Variants in AMPH observed in about 807,000 individuals in gnomAD.
AMPH encodes the protein amphiphysin.
In AMPH, 49 loss-of-function variants were observed where a neutral mutation model predicts 99.1. The ratio of observed to expected loss-of-function variants is 0.49; its 90% confidence interval spans 0.39 to 0.63. The LOEUF (loss-of-function observed/expected upper bound fraction) is 0.63. Ranked by LOEUF, AMPH falls within the 20% of genes least tolerant of loss-of-function variation. AMPH has a pLI of 0.00. For synonymous variants in AMPH, 314 were observed against 317.3 expected (o/e 0.99, Z 0.11); for missense variants, 759 against 863.4 (o/e 0.88, Z 1.52).
At chr7:38,478,215 C>T (rs1788158018) in intron 5 of AMPH, among the ~76,000 whole-genome samples, 1 of 152,096 alleles carries the variant, frequency 6.6e-6, no homozygotes, top group Non-Finnish European at 1.5e-5. Flanking sequence ...GGGGTCTCTA[C>T]AGGCATACAA....
intron 10 of AMPH, among the ~76,000 whole-genome samples, chr7:38,461,700 A>G (rs1787453386): frequency 6.6e-6 from 1 of 152,212 alleles, no homozygotes; most frequent in South Asian, 2.1e-4. Flanking sequence ...CATATACTTT[A>G]AAGGTTAAAC....
intron 1 of AMPH, among the ~76,000 whole-genome samples, chr7:38,618,161 C>T (rs1000313026): frequency 2.0e-5 from 3 of 152,040 alleles, no homozygotes; most frequent in Admixed American, 6.5e-5. Flanking sequence ...TAGGTTAATG[C>T]AAAAGACAGT....
At chr7:38,492,591 T>A (rs1215988946) in intron 4 of AMPH, among the ~76,000 whole-genome samples, 1 of 152,204 alleles carries the variant, frequency 6.6e-6, no homozygotes, top group African/African-American at 2.4e-5. Flanking sequence ...AACATTTAAA[T>A]CCACTGTTTA....
intron 1 of AMPH, among the ~76,000 whole-genome samples, chr7:38,629,481 C>A (rs1562871283): frequency 6.6e-6 from 1 of 152,170 alleles, no homozygotes; most frequent in Non-Finnish European, 1.5e-5. Context: ...GTACACTTGA[C>A]CTTGATCGTG....
At chr7:38,461,627 T>C (rs1378367416) in intron 10 of AMPH, among the ~76,000 whole-genome samples, 2 of 152,102 alleles carry the variant, frequency 1.3e-5, no homozygotes, top group Non-Finnish European at 2.9e-5. Flanking sequence ...AAAACAAAAC[T>C]GAGGCTATAA....
intron 1 of AMPH, among the ~76,000 whole-genome samples, chr7:38,584,136 ATT>A (rs981427430): frequency 1.3e-5 from 2 of 152,096 alleles, no homozygotes; most frequent in African/African-American, 2.4e-5. Context: ...GTTTCAATTC[ATT>A]TTAGTCATTG....
intron 6 of AMPH, among the ~76,000 whole-genome samples, chr7:38,476,592 G>A (rs1788092551): frequency 6.6e-6 from 1 of 152,166 alleles, no homozygotes; most frequent in Non-Finnish European, 1.5e-5. Context: ...ATCTAAGGAA[G>A]TGCAGACACA....
intron 1 of AMPH, among the ~76,000 whole-genome samples, chr7:38,538,145 A>G (rs922555846): frequency 6.6e-6 from 1 of 152,246 alleles, no homozygotes; most frequent in East Asian, 1.9e-4. Flanking sequence ...CAGAAGTTAC[A>G]TGAGCTTCAC....
chr7:38,431,476 T>C (rs1388535079), intron 13 of AMPH, among the ~76,000 whole-genome samples: 1 of 151,952 alleles, frequency 6.6e-6, no homozygotes, highest in Non-Finnish European at 1.5e-5. Flanking sequence ...GCTAACACGG[T>C]GAAACCCCAT....
chr7:38,434,566 C>G (rs1433764514), intron 12 of AMPH, among the ~76,000 whole-genome samples: 1 of 152,032 alleles, frequency 6.6e-6, no homozygotes, highest in Non-Finnish European at 1.5e-5. Context: ...GGTGAAACCC[C>G]ACCTCTACTA....
chr7:38,475,436 T>C lies in AMPH; in HGVS notation c.505-20A>G. On this transcript the variant is annotated intron_variant, in intron 6 of 20. Transcript: ENST00000356264. ...TTCTGCCTAGGAATGAAACATAACATGTGTTTACACTAAGAAAGACCATTT... is the reference window on the plus strand; with the variant it reads ...TTCTGCCTAGGAATGAAACATAACACGTGTTTACACTAAGAAAGACCATTT... 6.4e-7 allele frequency: 1 copy of C among 1,561,994 alleles called. No individual in the cohort carries two copies. Among genetic ancestry groups the C allele is most frequent in the Non-Finnish European group, 8.8e-7 (1 of 1,134,506 alleles).
rs562028929 is a variant in AMPH at position 38,404,246 on chromosome 7, C to T, written c.1399-10032G>A. Among the ~76,000 whole-genome samples the T allele has an allele frequency of 5.3e-5, 8 of 152,122 alleles. 1 individual carries two copies. In the East Asian group the frequency reaches 1.5e-3, roughly 29 times the overall value. On this transcript the variant is annotated intron_variant, in intron 17 of 20. Coordinates refer to ENST00000356264, the MANE Select transcript of AMPH (RefSeq NM_001635.4). ...TATCCCCAAGAGCTCAGCACATCCT[C>T]CTCCTGTCACCCTTGTCAGGGCAGG...
intron 3 of AMPH, among the ~76,000 whole-genome samples, chr7:38,498,645 G>T (rs541704276): frequency 5.0e-4 from 76 of 152,124 alleles, no homozygotes; most frequent in Admixed American, 7.8e-4. Flanking sequence ...TTGAACTATT[G>T]GACTAAACTT....
chr7:38,515,725 G>A (rs10951560), intron 2 of AMPH, among the ~76,000 whole-genome samples: 74,648 of 152,074 alleles, frequency 0.49, 19,179 homozygotes, highest in African/African-American at 0.65. Context: ...GGAGGGCTCA[G>A]AAGAAGACAG....
At chr7:38,513,623 C>T (rs754126802) in intron 2 of AMPH, among the ~76,000 whole-genome samples, 3 of 152,202 alleles carry the variant, frequency 2.0e-5, no homozygotes, top group Non-Finnish European at 4.4e-5. Context: ...CACTAGACCA[C>T]AAGCTTGACC....
intron 15 of AMPH, among the ~76,000 whole-genome samples, chr7:38,424,034 A>T: frequency 6.6e-6 from 1 of 151,948 alleles, no homozygotes; most frequent in East Asian, 1.9e-4. Context: ...TTCCCCAATC[A>T]CCTCCATTAC....
chr7:38,616,137 A>C (rs150934329), intron 1 of AMPH, among the ~76,000 whole-genome samples: 502 of 152,272 alleles, frequency 3.3e-3, no homozygotes, highest in Admixed American at 4.9e-3. Flanking sequence ...CCATGTGTAC[A>C]TCTCCTCTGC....
intron 17 of AMPH, among the ~76,000 whole-genome samples, chr7:38,408,335 A>G (rs1467825590): frequency 6.6e-6 from 1 of 152,234 alleles, no homozygotes; most frequent in Non-Finnish European, 1.5e-5. Flanking sequence ...TGCATAGATT[A>G]TAATTTTTTT....
chr7:38,440,314 C>T (rs1030964092), intron 11 of AMPH, among the ~76,000 whole-genome samples: 2 of 152,262 alleles, frequency 1.3e-5, no homozygotes, highest in South Asian at 2.1e-4. Context: ...TAATTATATG[C>T]CCCTTGAAAA....
Sources: allele counts gnomAD v4.1 joint callset (sites outside exome capture counted in the v4.1 genomes callset), GRCh38; gene constraint gnomAD v4.1.1; transcripts MANE v1.5; gene names NCBI Gene and HGNC (gene_info 2026-07-23, HGNC 2026-07-21).